Variants in FNBP1L observed in about 807,000 individuals in gnomAD.
The protein encoded by FNBP1L is formin-binding protein 1-like.
A neutral mutation model predicts 91.2 loss-of-function variants in FNBP1L; 36 were observed. The observed-to-expected ratio is 0.39, with a 90% CI of 0.30 to 0.52. The LOEUF (loss-of-function observed/expected upper bound fraction) is 0.52, where lower values mean the gene tolerates loss of function less well. Ranked by LOEUF, FNBP1L falls within the 20% of genes least tolerant of loss-of-function variation. The probability of loss-of-function intolerance (pLI) is 0.66; values close to 1 mark genes in which losing one functional copy is unlikely to be tolerated. For synonymous variants in FNBP1L, 242 were observed against 237.0 expected (o/e 1.02, Z -0.19); for missense variants, 571 against 732.1 (o/e 0.78, Z 2.54).
At chr1:93,510,634 G>T (rs1289872559) in intron 2 of FNBP1L, among the ~76,000 whole-genome samples, 1 of 151,814 alleles carries the variant, frequency 6.6e-6, no homozygotes, top group Non-Finnish European at 1.5e-5. Flanking sequence ...CTGAGAGAAG[G>T]CTTCAGATGA....
At position 93,530,945 on chromosome 1, in the gene FNBP1L, G is replaced by C. The variant is rs1671654890; in HGVS notation, c.639+62G>C. On this transcript the variant is annotated intron_variant, in intron 7 of 16. Coordinates refer to ENST00000271234, the MANE Select transcript of FNBP1L (RefSeq NM_001164473.3). ...TAACTGGTGTTTAAATATAAAACTT[G>C]TAAGTCTTAGACATCAGAATCTTTC... The C allele has an allele frequency of 3.8e-6, 5 of 1,327,486 alleles. No individual in the cohort carries two copies. The Admixed American group carries it at 7.5e-5, about 20-fold the overall frequency. The allele number at this position is 1,327,486 out of a possible 1,614,324, so 82.2% of individuals were successfully genotyped here. A position where few individuals can be genotyped will look rare whatever the true frequency, so the allele number is the denominator to read the frequency against.
rs1672468828 is a variant in FNBP1L, at chr1:93,553,077, A to G, written c.*661A>G. The G allele has an allele frequency of 6.6e-6, 1 of 152,542 alleles. No homozygotes were observed. Among genetic ancestry groups the G allele is most frequent in the Admixed American group, 6.5e-5 (1 of 15,286 alleles). The allele number at this position is 152,542 out of a possible 1,614,324, so 9.4% of individuals were successfully genotyped here. A position where few individuals can be genotyped will look rare whatever the true frequency, so the allele number is the denominator to read the frequency against. On this transcript the variant is annotated 3_prime_UTR_variant, in exon 17 of 17. Coordinates refer to ENST00000271234, the MANE Select transcript of FNBP1L (RefSeq NM_001164473.3). The stretch of plus-strand genomic sequence containing the variant: ...TGGCATTACGAAGAAGTAGCTGTGA[A>G]CCTGAAGTATTTATGATAAGAAAAA...
chr1:93,476,601 A>T (rs1291158733), intron 1 of FNBP1L, among the ~76,000 whole-genome samples: 2 of 152,198 alleles, frequency 1.3e-5, no homozygotes, highest in Admixed American at 6.5e-5. Context: ...TATCAGCATA[A>T]AAACATAACC....
intron 1 of FNBP1L, among the ~76,000 whole-genome samples, chr1:93,498,603 A>T (rs1183544952): frequency 6.6e-6 from 1 of 152,158 alleles, no homozygotes; most frequent in Non-Finnish European, 1.5e-5. Flanking sequence ...AAGGGATGAT[A>T]CTTGAATTTT....
intron 4 of FNBP1L, among the ~76,000 whole-genome samples, 176 bp from the exon 5 acceptor site, chr1:93,524,085 G>C (rs1454598329): frequency 6.6e-6 from 1 of 152,010 alleles, no homozygotes; most frequent in East Asian, 1.9e-4. Context: ...TTTTTAGGAA[G>C]TTTTGCATTA....
At chr1:93,544,316 C>G (rs1380056224) in intron 12 of FNBP1L, 100 bp downstream of exon 12, 3 of 644,334 alleles carry the variant, frequency 4.7e-6, no homozygotes, top group Non-Finnish European at 7.2e-6. Context: ...ATCATATATC[C>G]TAATTGAAAT....
At chr1:93,522,638 C>T (rs372826530) in intron 3 of FNBP1L, among the ~76,000 whole-genome samples, 5 of 152,098 alleles carry the variant, frequency 3.3e-5, no homozygotes, top group Middle Eastern at 3.4e-3. Flanking sequence ...AGAGGAGACT[C>T]GACTTAAACA....
chr1:93,529,609 C>T, intron 5 of FNBP1L, 43 bp from the exon 6 acceptor site: 1 of 1,180,616 alleles, frequency 8.5e-7, no homozygotes, highest in South Asian at 1.6e-5. Flanking sequence ...TGAAGTTAGC[C>T]TGATTTTATT....
intron 1 of FNBP1L, among the ~76,000 whole-genome samples, chr1:93,488,143 T>C (rs1475158276): frequency 1.3e-5 from 2 of 152,172 alleles, no homozygotes; most frequent in Admixed American, 1.3e-4. Context: ...TCGGAATATA[T>C]CCAAAATCTT....
In FNBP1L at chr1:93,546,999, C is replaced by T. The variant is rs114539898; in HGVS notation, c.1407+25C>T. The T allele has an allele frequency of 1.7e-3, 2,703 of 1,590,850 alleles. 39 individuals carry two copies. In the African/African-American group the frequency reaches 0.031, roughly 18 times the overall value. The stretch of plus-strand genomic sequence containing the variant: ...GGTAGATTTGTTATTCAGCACTTGT[C>T]AAGATAAATTATTTTTATAAACTTC... On this transcript the variant is annotated intron_variant, in intron 13 of 16. Transcript: ENST00000271234.
chr1:93,546,637 T>A (rs1379407730), intron 12 of FNBP1L, among the ~76,000 whole-genome samples: 1 of 152,150 alleles, frequency 6.6e-6, no homozygotes, highest in African/African-American at 2.4e-5. Flanking sequence ...TCTTTTGGTA[T>A]TCTGATTGTC....
intron 2 of FNBP1L, among the ~76,000 whole-genome samples, chr1:93,509,000 G>A (rs1320410149): frequency 6.6e-6 from 1 of 152,138 alleles, no homozygotes; most frequent in African/African-American, 2.4e-5. Context: ...GCCTTCCTAA[G>A]AATTACAACA....
intron 1 of FNBP1L, among the ~76,000 whole-genome samples, chr1:93,491,444 C>A (rs1670087812): frequency 6.6e-6 from 1 of 152,056 alleles, no homozygotes; most frequent in African/African-American, 2.4e-5. Context: ...GGCTGGAGCA[C>A]TGTGGCATGA....
At chr1:93,462,413 T>A (rs1324653245) in intron 1 of FNBP1L, among the ~76,000 whole-genome samples, 1 of 152,200 alleles carries the variant, frequency 6.6e-6, no homozygotes, top group Non-Finnish European at 1.5e-5. Flanking sequence ...ACATTTGTTA[T>A]AACTAATGAA....
intron 1 of FNBP1L, among the ~76,000 whole-genome samples, chr1:93,469,873 T>A (rs1430133901): frequency 6.6e-6 from 1 of 152,060 alleles, no homozygotes; most frequent in African/African-American, 2.4e-5. Context: ...CTACTTGGGA[T>A]CACTTGAGCC....
intron 1 of FNBP1L, among the ~76,000 whole-genome samples, chr1:93,456,431 A>G (rs1258233476): frequency 2.0e-5 from 3 of 151,948 alleles, no homozygotes. Flanking sequence ...TAGGGAGTAA[A>G]GGATATCTGT....
At chr1:93,505,839 C>T (rs1197708199) in intron 2 of FNBP1L, among the ~76,000 whole-genome samples, 2 of 152,100 alleles carry the variant, frequency 1.3e-5, no homozygotes, top group African/African-American at 4.8e-5. Flanking sequence ...CCACCACGCC[C>T]AGCTAATTTT....
intron 12 of FNBP1L, among the ~76,000 whole-genome samples, chr1:93,545,362 T>G (rs1672187167): frequency 6.6e-6 from 1 of 152,154 alleles, no homozygotes; most frequent in Non-Finnish European, 1.5e-5. Flanking sequence ...AGTTTAGAAC[T>G]TGAATGTACC....
intron 11 of FNBP1L, among the ~76,000 whole-genome samples, 184 bp downstream of exon 11, chr1:93,541,240 GTTAA>G (rs1557818894): frequency 6.6e-6 from 1 of 152,048 alleles, no homozygotes; most frequent in East Asian, 1.9e-4. Context: ...AGAAAATGTG[GTTAA>G]TTGTCATCAA....
Sources: gnomAD v4.1 joint callset for allele counts (sites outside exome capture counted in the v4.1 genomes callset) on GRCh38, gnomAD v4.1.1 for gene constraint, MANE v1.5 for transcripts, NCBI Gene and HGNC (gene_info 2026-07-23, HGNC 2026-07-21) for gene names.